PTPN9: variants seen among roughly 807,000 people sequenced by gnomAD.
PTPN9 encodes the protein tyrosine-protein phosphatase non-receptor type 9.
A neutral mutation model predicts 69.8 loss-of-function variants in PTPN9; 26 were observed. The observed-to-expected ratio is 0.37, with a 90% confidence interval of 0.27 to 0.52. PTPN9 has a LOEUF of 0.52. Among genes scored for constraint, PTPN9 ranks in the 20% least tolerant of loss-of-function variants. The pLI is 0.91. For synonymous variants in PTPN9, 274 were observed against 272.5 expected (o/e 1.01, Z -0.05); for missense variants, 549 against 740.3 (o/e 0.74, Z 3.00).
intron 7 of PTPN9, among the ~76,000 whole-genome samples, chr15:75,494,387 C>T (rs969365491): frequency 2.0e-5 from 3 of 152,118 alleles, no homozygotes; most frequent in South Asian, 2.1e-4. Flanking sequence ...GAGTCTCGCT[C>T]TGTCCCCCAG....
At chr15:75,533,973 AACCTGCTCTT>A (rs1396947412) in intron 1 of PTPN9, among the ~76,000 whole-genome samples, 4 of 152,204 alleles carry the variant, frequency 2.6e-5, no homozygotes, top group African/African-American at 9.7e-5. Context: ...ACCTGTAAGA[AACCTGCTCTT>A]GAAATAAACA....
intron 5 of PTPN9, among the ~76,000 whole-genome samples, chr15:75,509,751 A>C (rs758025339): frequency 1.3e-5 from 2 of 152,180 alleles, no homozygotes; most frequent in Non-Finnish European, 2.9e-5. Flanking sequence ...CTGGAAGCTG[A>C]GGCGGGCAGA....
intron 1 of PTPN9, among the ~76,000 whole-genome samples, chr15:75,558,588 G>A (rs1025813470): frequency 7.2e-5 from 11 of 152,252 alleles, no homozygotes; most frequent in Admixed American, 5.2e-4. Context: ...AGCCGAAGCT[G>A]GACTGTACTG....
chr15:75,513,444 G>A (rs113704611), intron 5 of PTPN9: 80 of 455,606 alleles, frequency 1.8e-4, no homozygotes, highest in African/African-American at 1.2e-3. Context: ...GGTAACTGAA[G>A]AGAACAGAGT....
chr15:75,567,525 T>TTTA lies in PTPN9; in HGVS notation c.63+11186_63+11188dup, dbSNP rs201383333. ...CAGTCCTAAAGTCACAGATGACTTT[T>TTTA]TTAGAACCTGCCCAGAAATTACTGT... is the stretch of plus-strand genomic sequence containing the variant. On this transcript the variant is annotated intron_variant, in intron 1 of 12. Transcript: ENST00000618819. Among the ~76,000 whole-genome samples, 838 of 152,256 alleles carry TTTA rather than the reference T, an allele frequency of 5.5e-3. 19 individuals carry two copies. Among genetic ancestry groups the TTTA allele is most frequent in the Admixed American group, 0.042 (641 of 15,274 alleles).
intron 1 of PTPN9, among the ~76,000 whole-genome samples, chr15:75,576,619 C>G (rs960622476): frequency 1.3e-5 from 2 of 151,718 alleles, no homozygotes; most frequent in African/African-American, 4.8e-5. Context: ...ACCAGCCTGG[C>G]CAACATGGTG....
At chr15:75,470,059 C>A in intron 11 of PTPN9, 60 bp from the exon 12 acceptor site, 1 of 1,462,498 alleles carries the variant, frequency 6.8e-7, no homozygotes, top group Non-Finnish European at 9.4e-7. Flanking sequence ...CTAGCTACCT[C>A]TGGCTTTTCC....
At chr15:75,566,972 AG>A (rs2075129030) in intron 1 of PTPN9, among the ~76,000 whole-genome samples, 1 of 151,930 alleles carries the variant, frequency 6.6e-6, no homozygotes, top group Admixed American at 6.6e-5. Context: ...CCTCGGCAAC[AG>A]AAACATATGA....
chr15:75,543,258 G>A (rs1002886061), intron 1 of PTPN9, among the ~76,000 whole-genome samples: 1 of 152,020 alleles, frequency 6.6e-6, no homozygotes, highest in Non-Finnish European at 1.5e-5. Flanking sequence ...AAAGAGCAAA[G>A]TCCTGCAAGA....
At chr15:75,561,001 AGAGT>A (rs1459280630) in intron 1 of PTPN9, among the ~76,000 whole-genome samples, 1 of 151,366 alleles carries the variant, frequency 6.6e-6, no homozygotes, top group Non-Finnish European at 1.5e-5. Flanking sequence ...CCTGGGTGAC[AGAGT>A]GAGAGTAAAA....
At chr15:75,539,315 A>ATT (rs11324064) in intron 1 of PTPN9, among the ~76,000 whole-genome samples, 1 of 144,436 alleles carries the variant, frequency 6.9e-6, no homozygotes, top group Non-Finnish European at 1.5e-5. Flanking sequence ...TATTTAGAAG[A>ATT]TTTTTTTTTT....
intron 1 of PTPN9, among the ~76,000 whole-genome samples, chr15:75,575,788 G>A (rs928048102): frequency 2.7e-5 from 4 of 150,860 alleles, no homozygotes; most frequent in East Asian, 2.0e-4. Context: ...GCGTGGTGGC[G>A]GGCGCCTGTA....
At chr15:75,535,573 C>T (rs1313999375) in intron 1 of PTPN9, among the ~76,000 whole-genome samples, 1 of 152,130 alleles carries the variant, frequency 6.6e-6, no homozygotes, top group African/African-American at 2.4e-5. Flanking sequence ...AGTCAGTCAT[C>T]CTGCAATGAA....
intron 6 of PTPN9, among the ~76,000 whole-genome samples, 179 bp downstream of exon 6, chr15:75,508,738 G>A (rs2074832249): frequency 6.6e-6 from 1 of 152,260 alleles, no homozygotes; most frequent in South Asian, 2.1e-4. Flanking sequence ...GACAGTAAGA[G>A]AGGCAGTCTG....
At chr15:75,532,978 G>A (rs749304950) in intron 1 of PTPN9, among the ~76,000 whole-genome samples, 6 of 152,152 alleles carry the variant, frequency 3.9e-5, no homozygotes, top group Non-Finnish European at 7.3e-5. Flanking sequence ...GTCTTCAGAA[G>A]GGATAATTGA....
At chr15:75,504,579 G>T (rs1160433627) in intron 7 of PTPN9, among the ~76,000 whole-genome samples, 1 of 132,320 alleles carries the variant, frequency 7.6e-6, no homozygotes, top group Non-Finnish European at 1.6e-5. Context: ...CTGCCCTGCC[G>T]CCCCTACTGG....
At chr15:75,533,925 C>G (rs181874335) in intron 1 of PTPN9, among the ~76,000 whole-genome samples, 41 of 152,290 alleles carry the variant, frequency 2.7e-4, no homozygotes, top group African/African-American at 9.1e-4. Context: ...TACCTTAAAT[C>G]CTATATCCCA....
At chr15:75,497,146 C>T (rs1050230227) in intron 7 of PTPN9, among the ~76,000 whole-genome samples, 4 of 151,996 alleles carry the variant, frequency 2.6e-5, no homozygotes, top group Admixed American at 1.3e-4. Flanking sequence ...ACTAAGGATG[C>T]GGATTAGAAG....
chr15:75,517,578 C>T (rs1175932266), intron 4 of PTPN9, among the ~76,000 whole-genome samples: 1 of 152,200 alleles, frequency 6.6e-6, no homozygotes, highest in Non-Finnish European at 1.5e-5. Context: ...AAATGCCAAA[C>T]TCGTAGGTTG....
Sources: gnomAD v4.1 joint callset for allele counts (sites outside exome capture counted in the v4.1 genomes callset) on GRCh38, gnomAD v4.1.1 for gene constraint, MANE v1.5 for transcripts, NCBI Gene and HGNC (gene_info 2026-07-23, HGNC 2026-07-21) for gene names.